AUNIP: variants seen among roughly 807,000 people sequenced by gnomAD.
AUNIP encodes the protein aurora kinase A and ninein interacting protein.
In AUNIP, 16 loss-of-function variants were observed where a neutral mutation model predicts 12.2. That is an observed-to-expected ratio of 1.31 (90% CI 0.88 to 1.99). AUNIP has a LOEUF of 1.99. Ranked by LOEUF, AUNIP falls within the 30% of genes most tolerant of loss-of-function variation. The pLI is 0.00. For synonymous variants in AUNIP, 142 were observed against 154.8 expected, an observed-to-expected ratio of 0.92 and a Z score of 0.61; for missense variants, 411 against 419.1, an observed-to-expected ratio of 0.98 and a Z score of 0.17.
At chr1:25,833,589 A>G (rs1240905502), downstream of AUNIP, among the ~76,000 whole-genome samples, 1 of 152,044 alleles carries the variant, frequency 6.6e-6, no homozygotes, top group Non-Finnish European at 1.5e-5. Context: ...CATCTCTACA[A>G]AATATTTTAA....
At position 25,835,812 on chromosome 1, in the gene AUNIP, T is replaced by G. The variant is rs576640245; in HGVS notation, c.255A>C (p.Ser85=). The change falls in exon 3 of 3, where the codon TCA becomes TCC. Residue 85 remains serine, a synonymous_variant. Transcript: ENST00000374298. ...KTNGSDQKSV[S]SHTESQINKE... is the part of the protein sequence containing the mutation. ...TGTTGATCTGACTTTCTGTATGAGA[T>G]GAAACACTCTTCTGGTCACTGCCAT... 6 of 1,614,208 alleles carry G rather than the reference T, an allele frequency of 3.7e-6. No individual in the cohort carries two copies. The South Asian group carries it at 6.6e-5, about 18-fold the overall frequency.
intron 1 of AUNIP, among the ~76,000 whole-genome samples, chr1:25,838,427 A>G (rs2048320735): frequency 6.6e-6 from 1 of 152,032 alleles, no homozygotes; most frequent in Non-Finnish European, 1.5e-5. Context: ...CGCTTTAACC[A>G]GGGAGGCGGA....
In AUNIP at chr1:25,835,070, G is replaced by A; in HGVS notation, c.997C>T (p.Pro333Ser). The change falls in exon 3 of 3, where the codon CCA becomes TCA. Residue 333 changes from proline (P) to serine (S), a missense_variant. Coordinates refer to ENST00000374298, the MANE Select transcript of AUNIP (RefSeq NM_024037.3). ...AAATCAGGCTTCAGATTTTGAGTTGGCCCATCCTCCTGGCACTGAGCCCAA... is the reference window on the plus strand; with the variant it reads ...AAATCAGGCTTCAGATTTTGAGTTGACCCATCCTCCTGGCACTGAGCCCAA... The part of the protein sequence containing the change: ...SPWAQCQEDG[P>S]TQNLKPDLLF... The A allele has an allele frequency of 6.2e-7, 1 of 1,614,168 alleles. No individual in the cohort carries two copies. The highest frequency in any genetic ancestry group is 8.5e-7 in the Non-Finnish European group (1 of 1,180,034).
At chr1:25,836,364 GTCC>G (rs2048302877) in intron 2 of AUNIP, among the ~76,000 whole-genome samples, 1 of 152,136 alleles carries the variant, frequency 6.6e-6, no homozygotes, top group Non-Finnish European at 1.5e-5. Context: ...AAAAACGTGG[GTCC>G]TCCACTCCCC....
chr1:25,832,396 C>G (rs1346705043), downstream of AUNIP: 2 of 453,790 alleles, frequency 4.4e-6, no homozygotes. Context: ...CACTTTGTGC[C>G]CAGCTGTCAC....
At chr1:25,843,594 GAAAAAAAAAAAA>G (rs769525747) in intron 1 of AUNIP, among the ~76,000 whole-genome samples, 12 of 31,892 alleles carry the variant, frequency 3.8e-4, no homozygotes, top group East Asian at 3.1e-3. Context: ...CTGTCTGTTT[GAAAAAAAAAAAA>G]AAAAAAAAAA....
downstream of AUNIP, chr1:25,832,033 T>C: frequency 6.2e-7 from 1 of 1,614,092 alleles, no homozygotes; most frequent in Non-Finnish European, 8.5e-7. Flanking sequence ...TTGACAACCC[T>C]CAGCTCTGCA....
chr1:25,835,317 G>GT lies in AUNIP; in HGVS notation c.749dup (p.Tyr250Ter), dbSNP rs764814391. 6.2e-7 allele frequency: 1 copy of GT among 1,614,220 alleles called. No homozygotes were observed. Among genetic ancestry groups the GT allele is most frequent in the South Asian group, 1.1e-5 (1 of 91,084 alleles). The change falls in exon 3 of 3, where the codon TAC becomes TAAC. Residue 250 changes from tyrosine (Y) to a stop codon, truncating the protein, a stop_gained and frameshift_variant. Transcript: ENST00000374298. LOFTEE classifies it low-confidence loss of function (END_TRUNC). ...TGTTTTCTCCATTCCAGGATTCCCT[G>GT]TATGTTTGAAGGAGGACAGGGGCCT... ...NRQAPVLLQT[Y>*]RESWNGENIE...
At chr1:25,844,831 A>G (rs1572264000) in intron 1 of AUNIP, among the ~76,000 whole-genome samples, 5 of 152,078 alleles carry the variant, frequency 3.3e-5, no homozygotes, top group Admixed American at 3.3e-4. Context: ...CATCATCACC[A>G]AGTCCCTCTT....
Position 25,837,468 on chromosome 1 carries a change from A to C in AUNIP, c.165T>G (p.Ala55=), listed in dbSNP as rs2048312098. 6.2e-7 allele frequency: 1 copy of C among 1,614,094 alleles called. No homozygotes were observed. The highest frequency in any genetic ancestry group is 8.5e-7 in the Non-Finnish European group (1 of 1,179,960). ...KANIYFTQRR[A]PSTGIHQRSI... is the part of the protein sequence containing the mutation. ...TTCTCTGGTGAATGCCTGTAGATGG[A>C]GCTCTTCTTTGAGTAAAATAAATAT... The change falls in exon 2 of 3, where the codon GCT becomes GCG. Residue 55 remains alanine (A), a synonymous_variant. Transcript: ENST00000374298.
rs1259469697 is a variant in AUNIP at position 25,834,343 on chromosome 1, C to A, written c.*650G>T. 4.1e-6 allele frequency: 4 copies of A among 985,200 alleles called. No homozygotes were observed. The highest frequency in any genetic ancestry group is 1.7e-5 in the African/African-American group (1 of 57,264). 61.0% of individuals were successfully genotyped at this position (985,200 alleles called of 1,614,324 possible). A position where few individuals can be genotyped will look rare whatever the true frequency, so the allele number is the denominator to read the frequency against. ...AAAAGCTCACACATCTGGCTGGGCG[C>A]GGTGGCTTATGCCTGTAATCTCAGC... On this transcript the variant is annotated 3_prime_UTR_variant, in exon 3 of 3. Transcript: ENST00000374298.
At chr1:25,851,371 T>C (rs183940793) in intron 1 of AUNIP, among the ~76,000 whole-genome samples, 175 of 152,336 alleles carry the variant, frequency 1.1e-3, no homozygotes, top group Admixed American at 2.7e-3. Context: ...ATCAGAGTAA[T>C]ACTGGCCTCA....
At chr1:25,832,550 C>T (rs1489047623), downstream of AUNIP, 1 of 209,828 alleles carries the variant, frequency 4.8e-6, no homozygotes, top group Non-Finnish European at 9.9e-6. Context: ...TCCTCACTTC[C>T]TTGTCTAGAT....
At position 25,840,834 on chromosome 1, in the gene AUNIP, C is replaced by T. The variant is rs531950043; in HGVS notation, c.79-3280G>A. On this transcript the variant is annotated intron_variant, in intron 1 of 2. Transcript: ENST00000374298. ...CACATCCTAGATATGTAAAATAATG[C>T]GGTTAGTATGCCAACAAATATTTGA... is the stretch of plus-strand genomic sequence containing the variant. 9.1e-4 allele frequency among the ~76,000 whole-genome samples: 138 copies of T among 152,108 alleles called. 1 individual carries two copies. The highest frequency in any genetic ancestry group is 3.2e-3 in the African/African-American group (132 of 41,478).
At chr1:25,854,577 C>T (rs564938396) in intron 1 of AUNIP, among the ~76,000 whole-genome samples, 4 of 152,174 alleles carry the variant, frequency 2.6e-5, no homozygotes, top group Non-Finnish European at 2.9e-5. Flanking sequence ...CAATTTGGAA[C>T]GGGCATAACT....
At chr1:25,840,536 T>C (rs985373279) in intron 1 of AUNIP, among the ~76,000 whole-genome samples, 1 of 152,222 alleles carries the variant, frequency 6.6e-6, no homozygotes, top group African/African-American at 2.4e-5. Context: ...AGATCTCCCA[T>C]TTCACATGTT....
intron 1 of AUNIP, among the ~76,000 whole-genome samples, chr1:25,856,156 G>C (rs550586416): frequency 3.3e-5 from 5 of 152,188 alleles, no homozygotes; most frequent in Non-Finnish European, 5.9e-5. Flanking sequence ...CTTGAGGCCA[G>C]GAGTTCGAGA....
At chr1:25,844,536 T>C (rs2048369431) in intron 1 of AUNIP, among the ~76,000 whole-genome samples, 2 of 152,276 alleles carry the variant, frequency 1.3e-5, no homozygotes, top group Non-Finnish European at 2.9e-5. Context: ...ATTTTATCTT[T>C]TAACTCTTCC....
chr1:25,853,661 T>G (rs1038579703), intron 1 of AUNIP, among the ~76,000 whole-genome samples: 1 of 152,168 alleles, frequency 6.6e-6, no homozygotes, highest in Non-Finnish European at 1.5e-5. Flanking sequence ...TCAGGGTGGT[T>G]AGCTTGGTGG....
Sources: allele counts gnomAD v4.1 joint callset (sites outside exome capture counted in the v4.1 genomes callset), GRCh38; gene constraint gnomAD v4.1.1; transcripts MANE v1.5; gene names NCBI Gene and HGNC (gene_info 2026-07-23, HGNC 2026-07-21).